Variants in CDKL3 observed in about 807,000 individuals in gnomAD.
CDKL3 encodes cyclin dependent kinase like 3, also known as cyclin-dependent kinase-like 3.
A neutral mutation model predicts 69.3 loss-of-function variants in CDKL3; 65 were observed. The observed-to-expected ratio is 0.94, with a 90% confidence interval of 0.77 to 1.15. The LOEUF is 1.15. CDKL3 is among the 50% of genes most tolerant of loss of function. The probability of loss-of-function intolerance (pLI) is 0.00; values close to 1 mark genes in which losing one functional copy is unlikely to be tolerated. For synonymous variants in CDKL3, 202 were observed against 221.6 expected, an observed-to-expected ratio of 0.91 and a Z score of 0.79; for missense variants, 652 against 689.2, an observed-to-expected ratio of 0.95 and a Z score of 0.61.
At position 134,366,429 on chromosome 5, in the gene CDKL3, A is replaced by G. The variant is rs772900670; in HGVS notation, c.95T>C (p.Ile32Thr). Residue 32 changes from isoleucine to threonine, a missense_variant, in exon 2 of 13, where the codon ATT (isoleucine) becomes ACT (threonine). Ile to Thr is a moderately conservative substitution (Grantham distance 89). Transcript: ENST00000265334. ...KHKNTGQIVA[I>T]KIFYERPEQS... ...TTCTGGTCTCTCATAAAATATCTTA[A>G]TGGCCACTATCTGCCCAGTATTCTT... is the stretch of plus-strand genomic sequence containing the variant. 2 of 1,604,572 alleles carry G rather than the reference A, an allele frequency of 1.2e-6. No individual in the cohort carries two copies. Among genetic ancestry groups the G allele is most frequent in the Non-Finnish European group, 1.7e-6 (2 of 1,175,524 alleles).
chr5:134,310,442 G>A (rs904095947), intron 7 of CDKL3, among the ~76,000 whole-genome samples: 16 of 151,234 alleles, frequency 1.1e-4, no homozygotes, highest in Non-Finnish European at 1.3e-4. Flanking sequence ...TGCCCGCCTC[G>A]GCCTCCCAAA....
chr5:134,371,174 G>T (rs1334892806), upstream of CDKL3: 3 of 272,564 alleles, frequency 1.1e-5, no homozygotes, highest in Non-Finnish European at 2.1e-5. Flanking sequence ...TCTCTGGCCC[G>T]GATGCGTCCC....
rs771627353 is a variant in CDKL3 at position 134,306,663 on chromosome 5, T to G, written c.1404A>C (p.Gln468His). The G allele has an allele frequency of 1.9e-6, 3 of 1,581,908 alleles. No individual in the cohort carries two copies. The South Asian group carries it at 3.5e-5, about 19-fold the overall frequency. ...ERAKKRRTSS[Q>H]SIGQVMPNSR... ...TATTAGGCATAACTTGTCCAATAGATTGTGAAGAAGTGCGTCTCTTTTTTG... is the reference window on the plus strand; with the variant it reads ...TATTAGGCATAACTTGTCCAATAGAGTGTGAAGAAGTGCGTCTCTTTTTTG... The change falls in exon 10 of 13, where the codon CAA becomes CAC. Residue 468 changes from glutamine (Q) to histidine (H), a missense_variant. Physicochemically the swap from Gln to His is conservative, Grantham distance 24. Transcript: ENST00000265334.
chr5:134,349,139 T>C (rs1012378463), intron 4 of CDKL3, among the ~76,000 whole-genome samples: 1 of 152,194 alleles, frequency 6.6e-6, no homozygotes, highest in African/African-American at 2.4e-5. Context: ...AGGGTTGTTG[T>C]AAGGATTAAA....
chr5:134,337,799 C>T (rs1777482685), intron 4 of CDKL3, among the ~76,000 whole-genome samples: 2 of 152,274 alleles, frequency 1.3e-5, no homozygotes, highest in South Asian at 2.1e-4. Context: ...CTTGTTCTTG[C>T]TTCAATTTTA....
At chr5:134,290,746 A>G (rs919905677) in intron 8 of CDKL3, among the ~76,000 whole-genome samples, 2 of 151,992 alleles carry the variant, frequency 1.3e-5, no homozygotes. Flanking sequence ...TATATTGCCC[A>G]GGCTGATCTC....
At chr5:134,344,935 T>C (rs1751456615) in intron 4 of CDKL3, among the ~76,000 whole-genome samples, 1 of 151,740 alleles carries the variant, frequency 6.6e-6, no homozygotes, top group Admixed American at 6.6e-5. Context: ...TGTGGTGCCA[T>C]GCGCCTGTAG....
intron 2 of CDKL3, among the ~76,000 whole-genome samples, chr5:134,363,957 T>TA (rs1206131261): frequency 0.033 from 3,196 of 96,210 alleles, 136 homozygotes; most frequent in African/African-American, 0.11. Flanking sequence ...CTCCATTTCT[T>TA]AAAAAAAAAA....
chr5:134,340,054 T>C (rs1017406185), intron 4 of CDKL3, among the ~76,000 whole-genome samples: 2 of 151,926 alleles, frequency 1.3e-5, no homozygotes, highest in Admixed American at 6.6e-5. Context: ...CTCGGGAGGC[T>C]GAGGTGGGAG....
chr5:134,325,023 T>A (rs1417008454), intron 4 of CDKL3, among the ~76,000 whole-genome samples: 1 of 152,040 alleles, frequency 6.6e-6, no homozygotes, highest in Non-Finnish European at 1.5e-5. Flanking sequence ...TATAAACAAA[T>A]AAAAAGTGGC....
At chr5:134,340,532 C>T (rs554536933) in intron 4 of CDKL3, among the ~76,000 whole-genome samples, 15 of 152,154 alleles carry the variant, frequency 9.9e-5, no homozygotes, top group African/African-American at 3.6e-4. Flanking sequence ...AAAGAGGTGA[C>T]ATTACTACTG....
At chr5:134,367,519 G>A (rs1214921955), upstream of CDKL3, among the ~76,000 whole-genome samples, 2 of 151,940 alleles carry the variant, frequency 1.3e-5, no homozygotes, top group Admixed American at 1.3e-4. Flanking sequence ...GATTACAGGC[G>A]TGTGCCACCA....
At position 134,302,660 on chromosome 5, in the gene CDKL3, T is replaced by A; in HGVS notation, c.1649A>T (p.Glu550Val). ...EVKQIKMLKR[E>V]SKKTESSKIP... ...CTTAGATGACTCTGTTTTCTTTGAC[T>A]CCCTCTTCAGCATTTTTATCTGTTT... Residue 550 changes from glutamate to valine, a missense_variant, in exon 12 of 13, where the codon GAG (glutamate) becomes GTG (valine). Glu to Val is a moderately radical substitution (Grantham distance 121). Transcript: ENST00000265334. 1 of 1,598,890 alleles carries A rather than the reference T, an allele frequency of 6.3e-7. No individual in the cohort carries two copies. Among genetic ancestry groups the A allele is most frequent in the Non-Finnish European group, 8.5e-7 (1 of 1,171,230 alleles).
chr5:134,292,969 A>G (rs927126582), intron 8 of CDKL3, among the ~76,000 whole-genome samples: 1 of 150,086 alleles, frequency 6.7e-6, no homozygotes, highest in Admixed American at 6.6e-5. Context: ...TCACAGTGAA[A>G]ACTCCAGGCC....
At chr5:134,335,788 C>A (rs190526064) in intron 4 of CDKL3, among the ~76,000 whole-genome samples, 225 of 152,222 alleles carry the variant, frequency 1.5e-3, no homozygotes, top group African/African-American at 5.2e-3. Context: ...GTGAATCTGA[C>A]AATTATGTGT....
chr5:134,319,577 T>A, intron 5 of CDKL3, 80 bp from the exon 6 acceptor site: 2 of 1,194,016 alleles, frequency 1.7e-6, no homozygotes, highest in Non-Finnish European at 2.3e-6. Flanking sequence ...ATGTCATCTA[T>A]GTTAGATTAC....
chr5:134,344,830 G>A (rs756201852), intron 4 of CDKL3, among the ~76,000 whole-genome samples: 8 of 152,108 alleles, frequency 5.3e-5, no homozygotes, highest in Non-Finnish European at 8.8e-5. Context: ...TTGGGAGGCC[G>A]AGGCAGGTCG....
chr5:134,303,201 C>T (rs1184973129), intron 11 of CDKL3, among the ~76,000 whole-genome samples: 1 of 151,716 alleles, frequency 6.6e-6, no homozygotes, highest in Non-Finnish European at 1.5e-5. Context: ...AAGTGATTTT[C>T]CTGCCTCAGC....
upstream of CDKL3, chr5:134,371,228 G>A (rs1341630378): frequency 3.2e-6 from 1 of 311,024 alleles, no homozygotes; most frequent in South Asian, 3.3e-5. Context: ...CGGGGAGGGA[G>A]ACGGGATAGT....
Sources: allele counts gnomAD v4.1 joint callset (sites outside exome capture counted in the v4.1 genomes callset), GRCh38; gene constraint gnomAD v4.1.1; transcripts MANE v1.5; gene names NCBI Gene and HGNC (gene_info 2026-07-23, HGNC 2026-07-21).